KDM2A: variants seen among roughly 807,000 people sequenced by gnomAD.
KDM2A encodes lysine demethylase 2A, also known as lysine-specific demethylase 2A.
KDM2A carries 3 observed loss-of-function variants against 137.3 expected under a neutral mutation model. That is an observed-to-expected ratio of 0.02 (90% CI 0.01 to 0.06). The LOEUF (loss-of-function observed/expected upper bound fraction) is 0.06, where lower values mean the gene tolerates loss of function less well. KDM2A is among the 10% of genes least tolerant of loss of function. The probability of loss-of-function intolerance (pLI) is 1.00; values close to 1 mark genes in which losing one functional copy is unlikely to be tolerated. For synonymous variants in KDM2A, 512 were observed against 541.5 expected (o/e 0.95, Z 0.76); for missense variants, 738 against 1,510.6 (o/e 0.49, Z 8.48).
chr11:67,224,346 T>G (rs1858462188), intron 10 of KDM2A, among the ~76,000 whole-genome samples: 1 of 152,084 alleles, frequency 6.6e-6, no homozygotes, highest in African/African-American at 2.4e-5. Flanking sequence ...GGTTCATGCC[T>G]ATAATCCCAA....
intron 6 of KDM2A, among the ~76,000 whole-genome samples, chr11:67,214,803 TTATA>T (rs1396511524): frequency 2.0e-5 from 3 of 152,358 alleles, no homozygotes; most frequent in African/African-American, 7.2e-5. Context: ...TTTGAGGGCC[TTATA>T]TAGTCTTGAA....
chr11:67,226,766 G>A (rs1427918387), intron 10 of KDM2A, among the ~76,000 whole-genome samples: 1 of 152,066 alleles, frequency 6.6e-6, no homozygotes, highest in Non-Finnish European at 1.5e-5. Flanking sequence ...GCATCAAAGA[G>A]CATGTTTATG....
At chr11:67,210,133 G>A (rs1269592689) in intron 6 of KDM2A, among the ~76,000 whole-genome samples, 2 of 152,092 alleles carry the variant, frequency 1.3e-5, no homozygotes, top group Non-Finnish European at 2.9e-5. Flanking sequence ...TGGGGAGGCC[G>A]AAGGCAGACA....
intron 5 of KDM2A, among the ~76,000 whole-genome samples, chr11:67,200,069 A>C (rs1042420931): frequency 6.6e-6 from 1 of 152,232 alleles, no homozygotes; most frequent in African/African-American, 2.4e-5. Context: ...TCTGTTTTAC[A>C]GCATGGTTTA....
chr11:67,238,319 T>TA (rs1400621673), intron 12 of KDM2A, among the ~76,000 whole-genome samples: 1 of 152,188 alleles, frequency 6.6e-6, no homozygotes, highest in African/African-American at 2.4e-5. Context: ...AACTTGAACT[T>TA]ACGTTTGTTT....
chr11:67,203,464 T>TTGTC (rs1857705930), intron 5 of KDM2A, among the ~76,000 whole-genome samples: 1 of 147,102 alleles, frequency 6.8e-6, no homozygotes, highest in Middle Eastern at 3.3e-3. Context: ...TATTTATTAA[T>TTGTC]TATTAATAAT....
intron 13 of KDM2A, 21 bp downstream of exon 13, chr11:67,243,113 A>G (rs1192538545): frequency 6.4e-7 from 1 of 1,557,116 alleles, no homozygotes; most frequent in Non-Finnish European, 8.9e-7. Context: ...ATTTTCCTTG[A>G]TCTTTAGGCT....
At chr11:67,155,469 T>C (rs1341455438) in intron 2 of KDM2A, among the ~76,000 whole-genome samples, 1 of 151,848 alleles carries the variant, frequency 6.6e-6, no homozygotes, top group African/African-American at 2.4e-5. Flanking sequence ...CCACCTTGGC[T>C]AAGTTTTAAA....
At position 67,255,497 on chromosome 11, in the gene KDM2A, G is replaced by T. The variant is rs1037818541; in HGVS notation, c.*442G>T. The T allele has an allele frequency of 2.2e-6, 1 of 457,772 alleles. No homozygotes were observed. Among genetic ancestry groups the T allele is most frequent in the South Asian group, 1.5e-5 (1 of 64,574 alleles). 28.4% of individuals were successfully genotyped at this position (457,772 alleles called of 1,614,324 possible). On this transcript the variant is annotated 3_prime_UTR_variant, in exon 21 of 21. Coordinates refer to ENST00000529006, the MANE Select transcript of KDM2A (RefSeq NM_012308.3). ...CATGGCCAGGTTCTTGTGGTGTCCA[G>T]TGCGCGTCTCTCCTCCATCACACTC...
intron 5 of KDM2A, among the ~76,000 whole-genome samples, chr11:67,201,772 CAAAAAAAAAAAAAAAA>C (rs71056184): frequency 5.6e-4 from 21 of 37,822 alleles, no homozygotes; most frequent in Middle Eastern, 0.019. Flanking sequence ...GACTCCATCT[CAAAAAAAAAAAAAAAA>C]AAAAAAAAAA....
intron 5 of KDM2A, among the ~76,000 whole-genome samples, chr11:67,195,351 C>T (rs985708651): frequency 6.2e-4 from 69 of 111,034 alleles, no homozygotes; most frequent in South Asian, 3.3e-4. Flanking sequence ...CCTGGGTGAT[C>T]GAGTGAGACT....
chr11:67,198,582 C>T (rs1199162712), intron 5 of KDM2A, among the ~76,000 whole-genome samples: 3 of 151,274 alleles, frequency 2.0e-5, no homozygotes, highest in Non-Finnish European at 3.0e-5. Flanking sequence ...CAGTGGCGGG[C>T]GCCTGTAGTC....
Position 67,250,208 on chromosome 11 carries a change from C to T in KDM2A, c.2178C>T (p.Ile726=), listed in dbSNP as rs1391692151. ...CACCCACTTCCATGCTGCAGCTCAT[C>T]CATGACCCGGTTTCCCCCCGGGGTA... ...PHSPTSMLQL[I]HDPVSPRGMV... is the part of the protein sequence containing the mutation. The change falls in exon 17 of 21, where the codon ATC becomes ATT. Residue 726 remains isoleucine, a synonymous_variant. Transcript: ENST00000529006. The surrounding 1 kb of genome is among the most constrained non-coding windows in gnomAD (Gnocchi z 7.1). The T allele has an allele frequency of 1.2e-6, 2 of 1,613,790 alleles. No individual in the cohort carries two copies. Among genetic ancestry groups the T allele is most frequent in the Non-Finnish European group, 1.7e-6 (2 of 1,179,868 alleles).
At chr11:67,127,348 C>A (rs952817541) in intron 2 of KDM2A, among the ~76,000 whole-genome samples, 1 of 152,046 alleles carries the variant, frequency 6.6e-6, no homozygotes, top group Non-Finnish European at 1.5e-5. Context: ...TGGTCTTGAA[C>A]TCCCAGACTC....
At chr11:67,232,256 G>T (rs1257262058) in intron 12 of KDM2A, among the ~76,000 whole-genome samples, 1 of 152,140 alleles carries the variant, frequency 6.6e-6, no homozygotes, top group Non-Finnish European at 1.5e-5. Context: ...ATTTATATAA[G>T]AAATGTTACA....
intron 2 of KDM2A, among the ~76,000 whole-genome samples, chr11:67,166,575 C>T (rs1856750363): frequency 6.6e-6 from 1 of 152,050 alleles, no homozygotes; most frequent in South Asian, 2.1e-4. Context: ...AAGATTACTT[C>T]TTGCCCGGCA....
intron 5 of KDM2A, among the ~76,000 whole-genome samples, chr11:67,200,193 A>G (rs1254466780): frequency 2.0e-5 from 3 of 152,100 alleles, no homozygotes; most frequent in African/African-American, 7.2e-5. Flanking sequence ...GGGAATGTAC[A>G]AAGAGATTAA....
At chr11:67,203,288 A>G (rs1857697303) in intron 5 of KDM2A, among the ~76,000 whole-genome samples, 2 of 151,778 alleles carry the variant, frequency 1.3e-5, no homozygotes, top group Admixed American at 6.6e-5. Flanking sequence ...ATGCACTGTG[A>G]AACCAAAAAG....
rs781683286 is a variant in KDM2A, at chr11:67,121,377, C to CG, written c.42+19_42+20insG. On this transcript the variant is annotated intron_variant, in intron 2 of 20. Transcript: ENST00000529006. ...GAGATTGGTTAGTATTTTCTCCCCC[C>CG]ACCACACCCTCCAGTTTTAAAGTAG... is the stretch of plus-strand genomic sequence containing the variant. The CG allele has an allele frequency of 2.5e-6, 4 of 1,608,896 alleles. No individual in the cohort carries two copies. In the East Asian group the frequency reaches 8.9e-5, roughly 36 times the overall value.
Sources: gnomAD v4.1 joint callset for allele counts (sites outside exome capture counted in the v4.1 genomes callset) on GRCh38, gnomAD v4.1.1 for gene constraint, Gnocchi (gnomAD v3.1) non-coding constraint, MANE v1.5 for transcripts, NCBI Gene and HGNC (gene_info 2026-07-23, HGNC 2026-07-21) for gene names.